Variants in ST3GAL4 observed in about 807,000 individuals in gnomAD.
The protein encoded by ST3GAL4 is CMP-N-acetylneuraminate-beta-galactosamide-alpha-2,3-sialyltransferase 4.
A neutral mutation model predicts 42.6 loss-of-function variants in ST3GAL4; 24 were observed. The observed-to-expected ratio is 0.56, with a 90% CI of 0.41 to 0.79. The LOEUF is 0.79. Ranked by LOEUF, ST3GAL4 falls within the 30% of genes least tolerant of loss-of-function variation. ST3GAL4 has a pLI of 0.00. For missense variants in ST3GAL4, 311 were observed against 430.8 expected (o/e 0.72, Z 2.46); for synonymous variants, 135 against 163.2 (o/e 0.83, Z 1.32).
chr11:126,395,402 C>T (rs1334699890), intron 1 of ST3GAL4, among the ~76,000 whole-genome samples: 1 of 152,050 alleles, frequency 6.6e-6, no homozygotes, highest in Non-Finnish European at 1.5e-5. Context: ...ATAGCCAGGC[C>T]CATGTCTACA....
intron 1 of ST3GAL4, among the ~76,000 whole-genome samples, chr11:126,367,083 C>T (rs577363698): frequency 3.7e-4 from 57 of 152,240 alleles, no homozygotes; most frequent in Admixed American, 1.4e-3. Context: ...AGATGGAGCA[C>T]CGCTCATGAC....
At chr11:126,389,221 A>C (rs1953374780) in intron 1 of ST3GAL4, among the ~76,000 whole-genome samples, 1 of 152,118 alleles carries the variant, frequency 6.6e-6, no homozygotes, top group Non-Finnish European at 1.5e-5. Context: ...TTTCTTCACT[A>C]TCTCTATTAA....
Position 126,407,633 on chromosome 11 carries a change from A to G in ST3GAL4, c.340A>G (p.Ser114Gly). The change falls in exon 6 of 11, where the codon AGC (serine) becomes GGC (glycine). Residue 114 changes from serine (S) to glycine (G), a missense_variant and splice_region_variant. Ser to Gly is a moderately conservative substitution (Grantham distance 56). Transcript: ENST00000444328. The part of the protein sequence containing the change: ...TSSSIPKNIQ[S>G]LRCRRCVVVG... ...CTCCTCCATCCCCAAGAACATCCAG[A>G]GGTAAGGCGGCACTCCGACTCCAGT... The G allele has an allele frequency of 1.2e-6, 2 of 1,613,996 alleles. No individual in the cohort carries two copies. The highest frequency in any genetic ancestry group is 1.7e-6 in the Non-Finnish European group (2 of 1,179,984).
At chr11:126,377,112 C>G (rs1382182331) in intron 1 of ST3GAL4, among the ~76,000 whole-genome samples, 1 of 152,162 alleles carries the variant, frequency 6.6e-6, no homozygotes, top group South Asian at 2.1e-4. Context: ...ATGAAAAACC[C>G]ATGTGTGTTC....
At chr11:126,413,894 G>T in intron 10 of ST3GAL4, 67 bp from the exon 11 acceptor site, 2 of 1,581,992 alleles carry the variant, frequency 1.3e-6, no homozygotes, top group Non-Finnish European at 1.7e-6. Context: ...GAGGGGCAGG[G>T]AGACTTTCCT....
rs760917356 is a variant in ST3GAL4, at chr11:126,411,938, C to T, written c.772-1567C>T. On this transcript the variant is annotated intron_variant, in intron 9 of 10. Coordinates refer to ENST00000444328, the MANE Select transcript of ST3GAL4 (RefSeq NM_001254757.2). The surrounding 1 kb of genome is among the most constrained non-coding windows in gnomAD (Gnocchi z 6.3). Reference sequence around the variant, plus strand: ...AACTGTGCCATATAAAGTAACGTCACGTAATCGCATCATATTCACGGGCTC... The same window carrying T: ...AACTGTGCCATATAAAGTAACGTCATGTAATCGCATCATATTCACGGGCTC... Among the ~76,000 whole-genome samples the T allele has an allele frequency of 1.3e-5, 2 of 152,122 alleles. No individual in the cohort carries two copies. The highest frequency in any genetic ancestry group is 1.9e-4 in the East Asian group (1 of 5,196).
chr11:126,407,714 C>G (rs1591491093), intron 6 of ST3GAL4, 80 bp downstream of exon 6: 1 of 1,393,814 alleles, frequency 7.2e-7, no homozygotes, highest in South Asian at 1.3e-5. Flanking sequence ...TCCCCACCCC[C>G]CCGCTCTGTG....
Position 126,411,689 on chromosome 11 carries a change from C to T in ST3GAL4, c.772-1816C>T, listed in dbSNP as rs1954533232. On this transcript the variant is annotated intron_variant, in intron 9 of 10. Coordinates refer to ENST00000444328, the MANE Select transcript of ST3GAL4 (RefSeq NM_001254757.2). The surrounding 1 kb of genome is among the most constrained non-coding windows in gnomAD (Gnocchi z 6.3). ...TTCCTGCGATTGTAGAACTGAGGTC[C>T]CCATTTCCTTGCTGGCTGTCAGCTG... Among the ~76,000 whole-genome samples, 1 of 152,144 alleles carries T rather than the reference C, an allele frequency of 6.6e-6. No homozygotes were observed. The highest frequency in any genetic ancestry group is 2.4e-5 in the African/African-American group (1 of 41,434).
Position 126,409,185 on chromosome 11 carries a change from G to T in ST3GAL4, c.628-83G>T. The T allele has an allele frequency of 6.4e-7, 1 of 1,559,982 alleles. No homozygotes were observed. Among genetic ancestry groups the T allele is most frequent in the Non-Finnish European group, 8.7e-7 (1 of 1,143,548 alleles). On this transcript the variant is annotated intron_variant, in intron 8 of 10. Coordinates refer to ENST00000444328, the MANE Select transcript of ST3GAL4 (RefSeq NM_001254757.2). The surrounding 1 kb of genome is among the most constrained non-coding windows in gnomAD (Gnocchi z 4.9). The stretch of plus-strand genomic sequence containing the variant: ...CCTCTGCCATCGCTTGGACCCCCTC[G>T]CCTCGCTGAGGACCACTGGGTTGGA...
intron 1 of ST3GAL4, among the ~76,000 whole-genome samples, chr11:126,368,778 C>T (rs1190064800): frequency 2.0e-5 from 3 of 152,216 alleles, no homozygotes; most frequent in Admixed American, 6.5e-5. Context: ...GTGCTTCTGG[C>T]GATGCCCAGG....
Position 126,411,108 on chromosome 11 carries a change from G to A in ST3GAL4, c.771+1697G>A, listed in dbSNP as rs1258196021. ...GAGGACCTGAACCCAGCTCCTGGCA[G>A]TGGGAAGGGAAAAGGAGGAGATGGA... On this transcript the variant is annotated intron_variant, in intron 9 of 10. Transcript: ENST00000444328. This position sits in a 1 kb window ranked among gnomAD's most constrained non-coding sequence, Gnocchi z 6.3. Among the ~76,000 whole-genome samples, 6 of 152,024 alleles carry A rather than the reference G, an allele frequency of 3.9e-5. No homozygotes were observed. Among genetic ancestry groups the A allele is most frequent in the Admixed American group, 3.9e-4 (6 of 15,268 alleles).
intron 1 of ST3GAL4, among the ~76,000 whole-genome samples, chr11:126,357,468 C>T (rs1351128726): frequency 4.6e-5 from 7 of 152,204 alleles, no homozygotes; most frequent in South Asian, 2.1e-4. Flanking sequence ...ACAACAGGGC[C>T]GCCTTCTCTG....
At chr11:126,403,762 G>A (rs964590778) in intron 1 of ST3GAL4, among the ~76,000 whole-genome samples, 1 of 152,164 alleles carries the variant, frequency 6.6e-6, no homozygotes, top group Admixed American at 6.5e-5. Flanking sequence ...CTGGTTCGGA[G>A]CACTGCAACT....
intron 1 of ST3GAL4, among the ~76,000 whole-genome samples, chr11:126,390,571 A>G (rs1030676959): frequency 6.8e-6 from 1 of 147,118 alleles, no homozygotes; most frequent in Non-Finnish European, 1.5e-5. Context: ...TCATATGTCC[A>G]CCAAGTGTTT....
chr11:126,414,342 A>C lies in ST3GAL4; in HGVS notation c.*295A>C. 4.5e-6 allele frequency: 2 copies of C among 448,244 alleles called. No homozygotes were observed. Among genetic ancestry groups the C allele is most frequent in the South Asian group, 5.0e-5 (2 of 39,992 alleles). The allele number at this position is 448,244 out of a possible 1,614,324, so 27.8% of individuals were successfully genotyped here. A position where few individuals can be genotyped will look rare whatever the true frequency, so the allele number is the denominator to read the frequency against. Reference sequence around the variant, plus strand: ...CAAGAGATTATTTAATGGGCTATTTAATTAAGGGGTAGGAAGGTGCTGTGG... The same window carrying C: ...CAAGAGATTATTTAATGGGCTATTTCATTAAGGGGTAGGAAGGTGCTGTGG... On this transcript the variant is annotated 3_prime_UTR_variant, in exon 11 of 11. Coordinates refer to ENST00000444328, the MANE Select transcript of ST3GAL4 (RefSeq NM_001254757.2).
Position 126,383,852 on chromosome 11 carries a change from C to G in ST3GAL4, c.-60-22244C>G, listed in dbSNP as rs1195328401. 6.6e-6 allele frequency among the ~76,000 whole-genome samples: 1 copy of G among 152,212 alleles called. No individual in the cohort carries two copies. Among genetic ancestry groups the G allele is most frequent in the African/African-American group, 2.4e-5 (1 of 41,458 alleles). On this transcript the variant is annotated intron_variant, in intron 1 of 10. Transcript: ENST00000444328. The surrounding 1 kb of genome is among the most constrained non-coding windows in gnomAD (Gnocchi z 4.5). ...CCTCCTCCCCTCGTCTTCCCTCCCT[C>G]ATGGCCCACCTTTACTCTGAGGGGG...
chr11:126,414,139 C>T lies in ST3GAL4; in HGVS notation c.*92C>T, dbSNP rs1954644294. 4 of 1,244,888 alleles carry T rather than the reference C, an allele frequency of 3.2e-6. No individual in the cohort carries two copies. Among genetic ancestry groups the T allele is most frequent in the Non-Finnish European group, 4.7e-6 (4 of 847,236 alleles). The allele number at this position is 1,244,888 out of a possible 1,614,324, so 77.1% of individuals were successfully genotyped here. ...TGGGGGTGGCTGGTGCCAGTATGAC[C>T]CACTTGGACTCACCCCCTCTTGGGG... is the stretch of plus-strand genomic sequence containing the variant. On this transcript the variant is annotated 3_prime_UTR_variant, in exon 11 of 11. Coordinates refer to ENST00000444328, the MANE Select transcript of ST3GAL4 (RefSeq NM_001254757.2).
chr11:126,398,625 ATT>A lies in ST3GAL4; in HGVS notation c.-60-7470_-60-7469del, dbSNP rs1953876662. ...CTCAGACTCCACAGTTCTGCTGGGCATTGCCCTACAGGGGCTCCCTGGTGGTG... is the reference window on the plus strand; with the variant it reads ...CTCAGACTCCACAGTTCTGCTGGGCAGCCCTACAGGGGCTCCCTGGTGGTG... On this transcript the variant is annotated intron_variant, in intron 1 of 10. Coordinates refer to ENST00000444328, the MANE Select transcript of ST3GAL4 (RefSeq NM_001254757.2). The surrounding 1 kb of genome is among the most constrained non-coding windows in gnomAD (Gnocchi z 4.7). 6.6e-6 allele frequency among the ~76,000 whole-genome samples: 1 copy of A among 152,214 alleles called. No homozygotes were observed. The highest frequency in any genetic ancestry group is 1.5e-5 in the Non-Finnish European group (1 of 68,020).
intron 1 of ST3GAL4, among the ~76,000 whole-genome samples, chr11:126,380,280 C>T (rs950817650): frequency 6.6e-6 from 1 of 151,060 alleles, no homozygotes; most frequent in Admixed American, 6.6e-5. Context: ...AAAAAAGATC[C>T]AGTTTCCAGA....
Sources: allele counts gnomAD v4.1 joint callset (sites outside exome capture counted in the v4.1 genomes callset), GRCh38; gene constraint gnomAD v4.1.1; non-coding constraint Gnocchi (gnomAD v3.1); transcripts MANE v1.5; gene names NCBI Gene and HGNC (gene_info 2026-07-23, HGNC 2026-07-21).